AKR1C8: variants seen among roughly 807,000 people sequenced by gnomAD.
AKR1C8 encodes aldo-keto reductase family 1 member C8.
the AKR1C8 span, among the ~76,000 whole-genome samples, chr10:5,177,132 A>C: frequency 6.6e-6 from 1 of 152,126 alleles, no homozygotes; most frequent in Non-Finnish European, 1.5e-5. Context: ...GATAGCTCTT[A>C]TTATTTTGAG....
At chr10:5,123,396 A>C in the AKR1C8 span, 1 of 343,244 alleles carries the variant, frequency 2.9e-6, no homozygotes, top group Non-Finnish European at 5.7e-6. Flanking sequence ...GCCATGACAC[A>C]AATAACTGGG....
the AKR1C8 span, among the ~76,000 whole-genome samples, chr10:5,177,893 G>C: frequency 6.6e-6 from 1 of 152,054 alleles, no homozygotes; most frequent in East Asian, 1.9e-4. Context: ...AGTCTGGCTA[G>C]TGGTCTATAA....
the AKR1C8 span, chr10:5,132,868 T>A: frequency 3.9e-6 from 2 of 509,474 alleles, no homozygotes; most frequent in East Asian, 7.4e-5. Context: ...TATTCTTGCA[T>A]CTTGGGTTAG....
chr10:5,150,701 C>T, the AKR1C8 span, among the ~76,000 whole-genome samples: 5 of 151,856 alleles, frequency 3.3e-5, no homozygotes, highest in African/African-American at 1.2e-4. Flanking sequence ...AGTCACAGAT[C>T]ACTGTAAAAT....
At chr10:5,179,952 C>T in the AKR1C8 span, among the ~76,000 whole-genome samples, 9 of 152,328 alleles carry the variant, frequency 5.9e-5, no homozygotes, top group Middle Eastern at 3.4e-3. Flanking sequence ...GTTTGATCAT[C>T]TGAAGCCTTC....
At chr10:5,183,227 A>G in the AKR1C8 span, among the ~76,000 whole-genome samples, 1 of 152,182 alleles carries the variant, frequency 6.6e-6, no homozygotes, top group South Asian at 2.1e-4. Context: ...ACAATATTCT[A>G]GTTCTGAACA....
At chr10:5,142,924 AATACAGTATCTTTG>A in the AKR1C8 span, among the ~76,000 whole-genome samples, 46 of 152,208 alleles carry the variant, frequency 3.0e-4, no homozygotes, top group South Asian at 7.7e-3. Context: ...TTTTTAAAAA[AATACAGTATCTTTG>A]AAGGACAAAA....
the AKR1C8 span, among the ~76,000 whole-genome samples, chr10:5,141,670 A>G: frequency 6.6e-6 from 1 of 152,020 alleles, no homozygotes; most frequent in Non-Finnish European, 1.5e-5. Flanking sequence ...CTGCATTAGA[A>G]CTCTTTATTA....
chr10:5,162,242 G>A, the AKR1C8 span, among the ~76,000 whole-genome samples: 1 of 152,164 alleles, frequency 6.6e-6, no homozygotes, highest in African/African-American at 2.4e-5. Context: ...ACGTATCAAG[G>A]ATTAGAGGAT....
chr10:5,118,019 T>C, the AKR1C8 span, among the ~76,000 whole-genome samples: 1 of 152,090 alleles, frequency 6.6e-6, no homozygotes, highest in African/African-American at 2.4e-5. Flanking sequence ...ACACGCAAAA[T>C]GTAGCCATTT....
At chr10:5,175,191 G>T in the AKR1C8 span, among the ~76,000 whole-genome samples, 6 of 135,258 alleles carry the variant, frequency 4.4e-5, no homozygotes, top group African/African-American at 1.7e-4. Flanking sequence ...TGTTCTCATT[G>T]TTCAATTCCC....
the AKR1C8 span, among the ~76,000 whole-genome samples, chr10:5,135,534 GCTAT>G: frequency 5.3e-5 from 8 of 150,804 alleles, no homozygotes; most frequent in Admixed American, 2.0e-4. Flanking sequence ...TATCTATCTG[GCTAT>G]CTATTATCTA....
chr10:5,171,643 A>C, the AKR1C8 span, among the ~76,000 whole-genome samples: 1 of 151,966 alleles, frequency 6.6e-6, no homozygotes, highest in Non-Finnish European at 1.5e-5. Flanking sequence ...ATTTTTACAG[A>C]CTCTTTTTAA....
chr10:5,139,255 C>T, the AKR1C8 span, among the ~76,000 whole-genome samples: 1 of 152,132 alleles, frequency 6.6e-6, no homozygotes, highest in African/African-American at 2.4e-5. Context: ...AATGCCATCC[C>T]CATCAAACTA....
the AKR1C8 span, among the ~76,000 whole-genome samples, chr10:5,166,191 G>GA: frequency 1.3e-4 from 19 of 151,238 alleles, no homozygotes; most frequent in Admixed American, 1.1e-3. Flanking sequence ...AGACTCTGAA[G>GA]AAAAAAAATG....
At chr10:5,117,577 T>C in the AKR1C8 span, among the ~76,000 whole-genome samples, 3 of 152,128 alleles carry the variant, frequency 2.0e-5, no homozygotes. Context: ...TCCATTGTGT[T>C]GCTATAAAGG....
the AKR1C8 span, among the ~76,000 whole-genome samples, chr10:5,133,313 A>G: frequency 1.3e-5 from 2 of 152,072 alleles, no homozygotes; most frequent in Admixed American, 6.6e-5. Flanking sequence ...GCCCAGGCTC[A>G]AGCTCCCAAA....
chr10:5,165,778 T>C, the AKR1C8 span, among the ~76,000 whole-genome samples: 1 of 152,088 alleles, frequency 6.6e-6, no homozygotes, highest in Non-Finnish European at 1.5e-5. Flanking sequence ...AGTCCCTTCA[T>C]TAAAGGGTCT....
chr10:5,121,208 C>T, the AKR1C8 span, among the ~76,000 whole-genome samples: 1 of 152,256 alleles, frequency 6.6e-6, no homozygotes, highest in South Asian at 2.1e-4. Flanking sequence ...CTCCTCAATC[C>T]TGAGATCCTG....
Sources: gnomAD v4.1 joint callset for allele counts (sites outside exome capture counted in the v4.1 genomes callset) on GRCh38, gnomAD v4.1.1 for gene constraint, MANE v1.5 for transcripts, NCBI Gene and HGNC (gene_info 2026-07-23, HGNC 2026-07-21) for gene names.